GRIK4: variants seen among roughly 807,000 people sequenced by gnomAD.
The protein encoded by GRIK4 is glutamate ionotropic receptor kainate type subunit 4, also known as glutamate receptor ionotropic, kainate 4.
Under a neutral mutation model 104.9 loss-of-function variants are expected in GRIK4, and 40 were observed. The observed-to-expected ratio is 0.38, with a 90% CI of 0.30 to 0.50. The LOEUF is 0.50. Ranked by LOEUF, GRIK4 falls within the 20% of genes least tolerant of loss-of-function variation. GRIK4 has a pLI of 0.93. For missense variants in GRIK4, 1,047 were observed against 1,308.1 expected, an observed-to-expected ratio of 0.80 and a Z score of 3.08; for synonymous variants, 485 against 524.9, an observed-to-expected ratio of 0.92 and a Z score of 1.04.
rs548597499 is a variant in GRIK4 at position 120,656,896 on chromosome 11, A to G, written c.-51+3104A>G. On this transcript the variant is annotated intron_variant, in intron 2 of 20. Coordinates refer to ENST00000527524, the MANE Select transcript of GRIK4 (RefSeq NM_014619.5). ...CCAGGATCCACCAGTCTTTGGGGCC[A>G]TGAGCAGCTTCACTCAGTTCCTCAG... Among the ~76,000 whole-genome samples, 18 of 152,336 alleles carry G rather than the reference A, an allele frequency of 1.2e-4. No individual in the cohort carries two copies. In the East Asian group the frequency reaches 3.3e-3, roughly 28 times the overall value.
chr11:120,535,819 C>T (rs946285333), intron 1 of GRIK4, among the ~76,000 whole-genome samples: 2 of 152,240 alleles, frequency 1.3e-5, no homozygotes, highest in South Asian at 4.1e-4. Context: ...ACCTTGCTCC[C>T]ATGTAACATG....
At chr11:120,692,011 G>A (rs1432132729) in intron 3 of GRIK4, among the ~76,000 whole-genome samples, 1 of 152,224 alleles carries the variant, frequency 6.6e-6, no homozygotes, top group Non-Finnish European at 1.5e-5. Flanking sequence ...CATGTGGTTG[G>A]ATTGCACTGA....
At chr11:120,619,871 T>C (rs1949163776) in intron 1 of GRIK4, 1 of 223,482 alleles carries the variant, frequency 4.5e-6, no homozygotes, top group Non-Finnish European at 8.6e-6. Context: ...CAGTCTCTGC[T>C]ATTTCTTTTT....
At chr11:120,640,771 C>T (rs866919437) in intron 1 of GRIK4, among the ~76,000 whole-genome samples, 5 of 151,666 alleles carry the variant, frequency 3.3e-5, no homozygotes, top group East Asian at 1.9e-4. Flanking sequence ...TGCTGTGGCG[C>T]GATCTCAGCT....
At chr11:120,869,782 C>T (rs545913826) in intron 9 of GRIK4, 651 of 152,718 alleles carry the variant, frequency 4.3e-3, no homozygotes, top group Non-Finnish European at 6.0e-3. Context: ...ACACTGGGGA[C>T]TGGTGCAACA....
At chr11:120,558,583 G>A (rs1168102955) in intron 1 of GRIK4, among the ~76,000 whole-genome samples, 5 of 152,178 alleles carry the variant, frequency 3.3e-5, no homozygotes, top group Admixed American at 6.5e-5. Context: ...GCGAGACTCC[G>A]TCTCAAAAAC....
intron 3 of GRIK4, among the ~76,000 whole-genome samples, chr11:120,671,923 G>A (rs7935000): frequency 0.57 from 86,759 of 151,994 alleles, 26,036 homozygotes; most frequent in African/African-American, 0.76. Flanking sequence ...TTTGTCAAAG[G>A]TGAGATGGTT....
At chr11:120,793,499 G>T (rs1172848019) in intron 3 of GRIK4, among the ~76,000 whole-genome samples, 2 of 152,156 alleles carry the variant, frequency 1.3e-5, no homozygotes, top group South Asian at 2.1e-4. Flanking sequence ...ACCTGAGCTT[G>T]TTGGGAAGGT....
At chr11:120,912,079 A>G (rs930671041) in intron 13 of GRIK4, among the ~76,000 whole-genome samples, 1 of 152,188 alleles carries the variant, frequency 6.6e-6, no homozygotes, top group African/African-American at 2.4e-5. Context: ...TAACCCATTA[A>G]AAACTATTTA....
At chr11:120,873,712 C>T (rs1954676569) in intron 9 of GRIK4, 3 of 186,244 alleles carry the variant, frequency 1.6e-5, no homozygotes, top group Admixed American at 1.2e-4. Flanking sequence ...TTGACATAAG[C>T]AGCCGTGCCC....
intron 1 of GRIK4, among the ~76,000 whole-genome samples, chr11:120,588,464 A>T (rs537423317): frequency 6.6e-6 from 1 of 152,100 alleles, no homozygotes; most frequent in East Asian, 1.9e-4. Flanking sequence ...GGCACGACAC[A>T]GGGTCTTTCC....
intron 1 of GRIK4, among the ~76,000 whole-genome samples, chr11:120,626,956 C>T (rs538731549): frequency 8.5e-5 from 13 of 152,328 alleles, no homozygotes; most frequent in Admixed American, 2.0e-4. Context: ...GTCAGCACAC[C>T]GGTTCCTTAT....
intron 3 of GRIK4, among the ~76,000 whole-genome samples, chr11:120,732,294 G>A (rs920438048): frequency 1.3e-5 from 2 of 151,994 alleles, no homozygotes; most frequent in African/African-American, 4.8e-5. Flanking sequence ...ACAACACCCG[G>A]CTAATTTTTG....
chr11:120,841,207 C>T (rs1953706037), intron 8 of GRIK4, among the ~76,000 whole-genome samples: 1 of 152,074 alleles, frequency 6.6e-6, no homozygotes, highest in Admixed American at 6.5e-5. Flanking sequence ...ATACCATCCA[C>T]CTCCAGAACA....
intron 8 of GRIK4, among the ~76,000 whole-genome samples, chr11:120,859,878 G>T (rs989068883): frequency 6.6e-6 from 1 of 152,228 alleles, no homozygotes; most frequent in African/African-American, 2.4e-5. Flanking sequence ...GGCATTGGTG[G>T]CTTCAAAGGA....
chr11:120,674,037 G>C (rs1377196603), intron 3 of GRIK4, among the ~76,000 whole-genome samples: 1 of 152,162 alleles, frequency 6.6e-6, no homozygotes, highest in Admixed American at 6.5e-5. Flanking sequence ...GCTCTTCCCT[G>C]TGATGGCCCC....
chr11:120,587,990 C>T (rs1370162118), intron 1 of GRIK4, among the ~76,000 whole-genome samples: 1 of 152,206 alleles, frequency 6.6e-6, no homozygotes, highest in African/African-American at 2.4e-5. Context: ...AAACCGCTGT[C>T]AGTCACTTGG....
chr11:120,868,053 T>G (rs1954473747), intron 9 of GRIK4: 1 of 152,190 alleles, frequency 6.6e-6, no homozygotes, highest in Non-Finnish European at 1.5e-5. Flanking sequence ...CTGCAGAAGT[T>G]CAGAGACAAA....
At chr11:120,693,484 T>C (rs1950398014) in intron 3 of GRIK4, among the ~76,000 whole-genome samples, 1 of 152,280 alleles carries the variant, frequency 6.6e-6, no homozygotes, top group Middle Eastern at 3.4e-3. Flanking sequence ...AAGAGACTGT[T>C]GGAGTAGTCT....
Sources: gnomAD v4.1 joint callset for allele counts (sites outside exome capture counted in the v4.1 genomes callset) on GRCh38, gnomAD v4.1.1 for gene constraint, MANE v1.5 for transcripts, NCBI Gene and HGNC (gene_info 2026-07-23, HGNC 2026-07-21) for gene names.